ZNF71: variants seen among roughly 807,000 people sequenced by gnomAD.
The protein encoded by ZNF71 is zinc finger protein 71.
Under a neutral mutation model 6.7 loss-of-function variants are expected in ZNF71, and 3 were observed. The ratio of observed to expected loss-of-function variants is 0.45; its 90% CI spans 0.20 to 1.16. ZNF71 has a LOEUF of 1.16. Among genes scored for constraint, ZNF71 ranks in the 50% most tolerant of loss-of-function variants. The pLI, the probability that ZNF71 is intolerant of heterozygous loss-of-function variation, is 0.25. For synonymous variants in ZNF71, 343 were observed against 311.1 expected (o/e 1.10, Z -1.08); for missense variants, 688 against 728.6 (o/e 0.94, Z 0.64).
intron 3 of ZNF71, among the ~76,000 whole-genome samples, chr19:56,617,610 C>T (rs955796384): frequency 1.1e-4 from 17 of 152,312 alleles, no homozygotes; most frequent in African/African-American, 3.6e-4. Flanking sequence ...GCAGAAGCTT[C>T]GGATGTCTCC....
At chr19:56,597,247 A>G (rs1226085219) in intron 1 of ZNF71, among the ~76,000 whole-genome samples, 1 of 152,190 alleles carries the variant, frequency 6.6e-6, no homozygotes, top group Non-Finnish European at 1.5e-5. Flanking sequence ...GTGATCTGGC[A>G]AAATGGGCCA....
intron 1 of ZNF71, 63 bp downstream of exon 1, chr19:56,595,491 G>A (rs2044612511): frequency 6.2e-6 from 1 of 160,902 alleles, no homozygotes; most frequent in Non-Finnish European, 1.3e-5. Flanking sequence ...GGGCGTGCAG[G>A]CCGGGACCGA....
intron 3 of ZNF71, among the ~76,000 whole-genome samples, chr19:56,614,450 C>G (rs2044775404): frequency 6.6e-6 from 1 of 152,134 alleles, no homozygotes; most frequent in Non-Finnish European, 1.5e-5. Flanking sequence ...TTGAAGGATT[C>G]CATTTTTAGA....
rs1030838042 is a variant in ZNF71, at chr19:56,600,503, A to AT, written c.-52-997dup. ...TGAGCCACCGCGCCCGGCCCTCTGT[A>AT]TTTTTTTAATACCAATTAGCCATCC... On this transcript the variant is annotated intron_variant, in intron 1 of 3. Transcript: ENST00000599599. Among the ~76,000 whole-genome samples the AT allele has an allele frequency of 2.6e-4, 39 of 148,758 alleles. 15 individuals are homozygous for AT. The highest frequency in any genetic ancestry group is 4.8e-4 in the Non-Finnish European group (32 of 67,292).
At chr19:56,606,490 G>A (rs1277143071) in intron 2 of ZNF71, among the ~76,000 whole-genome samples, 1 of 152,020 alleles carries the variant, frequency 6.6e-6, no homozygotes, top group Non-Finnish European at 1.5e-5. Context: ...GAACTTAATG[G>A]CTCAAAAACT....
At chr19:56,616,015 G>C (rs2044788559) in intron 3 of ZNF71, among the ~76,000 whole-genome samples, 1 of 152,104 alleles carries the variant, frequency 6.6e-6, no homozygotes, top group South Asian at 2.1e-4. Context: ...ATATCCAGGT[G>C]CCCCAGTGCA....
At chr19:56,597,523 T>C (rs576904287) in intron 1 of ZNF71, among the ~76,000 whole-genome samples, 26 of 152,322 alleles carry the variant, frequency 1.7e-4, no homozygotes, top group African/African-American at 6.0e-4. Context: ...CACATCCACA[T>C]GTTTTGGTTT....
At chr19:56,600,795 C>T (rs1271754316) in intron 1 of ZNF71, among the ~76,000 whole-genome samples, 1 of 152,168 alleles carries the variant, frequency 6.6e-6, no homozygotes. Context: ...TATCTCTCCA[C>T]TTGAGACTTT....
rs527961857 is a variant in ZNF71, at chr19:56,605,348, T to C, written c.33+3757T>C. Among the ~76,000 whole-genome samples the C allele has an allele frequency of 5.9e-5, 9 of 152,092 alleles. No individual in the cohort carries two copies. In the South Asian group the frequency reaches 1.9e-3, roughly 32 times the overall value. On this transcript the variant is annotated intron_variant, in intron 2 of 3. Coordinates refer to ENST00000599599, the MANE Select transcript of ZNF71 (RefSeq NM_001370215.1). ...AAGCCCAAGCAGCCACAAGGAAAAGTGATGTGGAGAAAAAGAGATGCCCAC... is the reference window on the plus strand; with the variant it reads ...AAGCCCAAGCAGCCACAAGGAAAAGCGATGTGGAGAAAAAGAGATGCCCAC...
chr19:56,621,442 C>G lies in ZNF71; in HGVS notation c.335C>G (p.Ala112Gly). 6.2e-7 allele frequency: 1 copy of G among 1,613,838 alleles called. No individual in the cohort carries two copies. The highest frequency in any genetic ancestry group is 1.1e-5 in the South Asian group (1 of 91,048). The change falls in exon 4 of 4, where the codon GCA (alanine) becomes GGA (glycine). Residue 112 changes from alanine (A) to glycine (G), a missense_variant. Ala to Gly is a moderately conservative substitution (Grantham distance 60). Transcript: ENST00000599599. ...TGGCCAGAGAGGCCGCGGGGAGATG[C>G]AGGTGCAGAGTGGGAGCCATTGGGA... is the stretch of plus-strand genomic sequence containing the variant. The part of the protein sequence containing the change: ...GSWPERPRGD[A>G]GAEWEPLGIP...
At chr19:56,596,870 C>T (rs747102915) in intron 1 of ZNF71, among the ~76,000 whole-genome samples, 4 of 152,092 alleles carry the variant, frequency 2.6e-5, no homozygotes, top group Admixed American at 6.5e-5. Flanking sequence ...CGAGGGAATC[C>T]CCGCTTGGAA....
At chr19:56,609,186 T>C (rs1293842344) in intron 2 of ZNF71, among the ~76,000 whole-genome samples, 2 of 152,204 alleles carry the variant, frequency 1.3e-5, no homozygotes, top group African/African-American at 2.4e-5. Context: ...TGAAAATTAG[T>C]AAACTGGGAA....
chr19:56,608,615 ATGT>A (rs1213387535), intron 2 of ZNF71, among the ~76,000 whole-genome samples: 3 of 152,104 alleles, frequency 2.0e-5, no homozygotes, highest in African/African-American at 7.2e-5. Context: ...CCTCTGCTGT[ATGT>A]TGTTGATCAC....
chr19:56,614,080 G>C (rs1202283031), intron 3 of ZNF71, 142 bp downstream of exon 3: 1 of 596,852 alleles, frequency 1.7e-6, no homozygotes, highest in Non-Finnish European at 2.1e-6. Context: ...AAATAAAGTT[G>C]ATCACGATGG....
At chr19:56,605,373 C>G (rs868271028) in intron 2 of ZNF71, among the ~76,000 whole-genome samples, 1 of 152,148 alleles carries the variant, frequency 6.6e-6, no homozygotes, top group African/African-American at 2.4e-5. Context: ...GAGATGCCCA[C>G]CAAGGCCTCA....
At chr19:56,602,254 A>G (rs376550577) in intron 2 of ZNF71, among the ~76,000 whole-genome samples, 42 of 152,274 alleles carry the variant, frequency 2.8e-4, no homozygotes, top group Admixed American at 7.2e-4. Context: ...TTTTGGTTAT[A>G]AACAGTGTCA....
chr19:56,605,207 A>G (rs1462257516), intron 2 of ZNF71, among the ~76,000 whole-genome samples: 1 of 152,214 alleles, frequency 6.6e-6, no homozygotes, highest in Non-Finnish European at 1.5e-5. Context: ...CTGTGTGCTC[A>G]GAACTCCCGT....
chr19:56,622,144 C>T lies in ZNF71; in HGVS notation c.1037C>T (p.Thr346Ile), dbSNP rs755544863. Residue 346 changes from threonine (T) to isoleucine (I), a missense_variant, in exon 4 of 4, where the codon ACC becomes ATC. Coordinates refer to ENST00000599599, the MANE Select transcript of ZNF71 (RefSeq NM_001370215.1). ...GRAFSQNMHLTEHQRTHTGEK... is the reference protein window; with the variant it reads ...GRAFSQNMHLIEHQRTHTGEK... ...GCCTTCAGCCAGAACATGCACCTGA[C>T]CGAGCACCAGCGCACGCACACCGGG... 2.5e-6 allele frequency: 4 copies of T among 1,612,428 alleles called. No homozygotes were observed. The South Asian group carries it at 3.3e-5, about 13-fold the overall frequency.
chr19:56,622,853 G>A lies in ZNF71; in HGVS notation c.*96G>A. On this transcript the variant is annotated 3_prime_UTR_variant, in exon 4 of 4. Coordinates refer to ENST00000599599, the MANE Select transcript of ZNF71 (RefSeq NM_001370215.1). ...GTGCTGTGAGAAGTTCTCCCCTGGG[G>A]TGGGGACTCGGGGTCAGGGGAGCTC... 1.4e-6 allele frequency: 2 copies of A among 1,474,400 alleles called. No individual in the cohort carries two copies. Among genetic ancestry groups the A allele is most frequent in the South Asian group, 1.4e-5 (1 of 72,878 alleles). The allele number at this position is 1,474,400 out of a possible 1,614,324, so 91.3% of individuals were successfully genotyped here. A position where few individuals can be genotyped will look rare whatever the true frequency, so the allele number is the denominator to read the frequency against.
Sources: gnomAD v4.1 joint callset for allele counts (sites outside exome capture counted in the v4.1 genomes callset) on GRCh38, gnomAD v4.1.1 for gene constraint, MANE v1.5 for transcripts, NCBI Gene and HGNC (gene_info 2026-07-23, HGNC 2026-07-21) for gene names.